ANK3: variants seen among roughly 807,000 people sequenced by gnomAD.
The protein encoded by ANK3 is ankyrin-3.
A neutral mutation model predicts 370.9 loss-of-function variants in ANK3; 57 were observed. The ratio of observed to expected loss-of-function variants is 0.15; its 90% CI spans 0.12 to 0.19. ANK3 has a LOEUF of 0.19. Ranked by LOEUF, ANK3 falls within the 10% of genes least tolerant of loss-of-function variation. ANK3 has a pLI of 1.00. For missense variants in ANK3, 4,439 were observed against 5,302.1 expected (o/e 0.84, Z 5.06); for synonymous variants, 1,929 against 1,946.3 (o/e 0.99, Z 0.23).
At chr10:60,239,672 A>T (rs1305001829) in intron 7 of ANK3, among the ~76,000 whole-genome samples, 2 of 152,196 alleles carry the variant, frequency 1.3e-5, no homozygotes, top group Non-Finnish European at 2.9e-5. Flanking sequence ...GCCTGCACCA[A>T]GAAATGAAGG....
chr10:60,691,556 T>C (rs12262913), intron 1 of ANK3, among the ~76,000 whole-genome samples: 50,512 of 152,088 alleles, frequency 0.33, 8,583 homozygotes, highest in African/African-American at 0.37. Context: ...ATGTCAAAGG[T>C]AATTTCTTAA....
chr10:60,226,612 G>A (rs1399564377), intron 8 of ANK3, among the ~76,000 whole-genome samples: 2 of 98,800 alleles, frequency 2.0e-5, no homozygotes, highest in East Asian at 2.7e-4. Flanking sequence ...ATAATCAAAA[G>A]CAAAAGTCAC....
At chr10:60,635,082 T>C (rs2078535804) in intron 1 of ANK3, among the ~76,000 whole-genome samples, 2 of 152,178 alleles carry the variant, frequency 1.3e-5, no homozygotes, top group Admixed American at 1.3e-4. Flanking sequence ...TAAACAAAGG[T>C]TTATGATACT....
At chr10:60,044,284 CCTT>C (rs1292821209) in intron 42 of ANK3, 8 of 984,632 alleles carry the variant, frequency 8.1e-6, no homozygotes, top group Non-Finnish European at 9.6e-6. Context: ...GATGAGGTTG[CCTT>C]CTTCATCAGT....
chr10:60,106,290 G>A (rs542114429), intron 27 of ANK3, among the ~76,000 whole-genome samples: 1 of 152,140 alleles, frequency 6.6e-6, no homozygotes, highest in East Asian at 1.9e-4. Context: ...CATATGTTAG[G>A]CATAGGATTT....
chr10:60,478,136 T>A (rs949856056), intron 2 of ANK3, among the ~76,000 whole-genome samples: 1 of 152,054 alleles, frequency 6.6e-6, no homozygotes, highest in African/African-American at 2.4e-5. Context: ...TGATATAACA[T>A]TTATAATAAG....
At chr10:60,291,334 T>C (rs1337133186) in intron 1 of ANK3, among the ~76,000 whole-genome samples, 1 of 152,166 alleles carries the variant, frequency 6.6e-6, no homozygotes, top group African/African-American at 2.4e-5. Context: ...GAGGTCAATA[T>C]AGTAACATTT....
At position 60,075,038 on chromosome 10, in the gene ANK3, A is replaced by G; in HGVS notation, c.5843T>C (p.Val1948Ala). 5 of 1,613,828 alleles carry G rather than the reference A, an allele frequency of 3.1e-6. No individual in the cohort carries two copies. The highest frequency in any genetic ancestry group is 4.2e-6 in the Non-Finnish European group (5 of 1,179,930). ...CACTAAGTCTTCCTTTACTTTCTCT[A>G]CAATTTTGAAAGGTTCTTCATCATC... Reference protein sequence around the residue: ...RIDDEEPFKIVEKVKEDLVKV... With the variant: ...RIDDEEPFKIAEKVKEDLVKV... The change falls in exon 37 of 44, where the codon GTA becomes GCA. Residue 1948 changes from valine to alanine, a missense_variant. By Grantham distance (64) the Val-to-Ala change is moderately conservative. This residue lies in a region of ANK3 where 679 missense variants were observed against 791.0 expected (regional missense o/e 0.86). Coordinates refer to ENST00000280772, the MANE Select transcript of ANK3 (RefSeq NM_020987.5).
At chr10:60,455,283 CTTTT>C (rs1038250653) in intron 2 of ANK3, among the ~76,000 whole-genome samples, 13 of 152,194 alleles carry the variant, frequency 8.5e-5, no homozygotes, top group African/African-American at 2.9e-4. Context: ...TGCATGTTTT[CTTTT>C]TGTTTGCAGA....
chr10:60,238,908 A>G (rs1045941334), intron 7 of ANK3, among the ~76,000 whole-genome samples: 2 of 152,026 alleles, frequency 1.3e-5, no homozygotes, highest in Non-Finnish European at 2.9e-5. Flanking sequence ...AGTAGGAACA[A>G]CATGCATGAA....
At chr10:60,509,946 TC>T (rs900726254) in intron 2 of ANK3, among the ~76,000 whole-genome samples, 9 of 152,036 alleles carry the variant, frequency 5.9e-5, no homozygotes, top group African/African-American at 1.9e-4. Flanking sequence ...TTTCAAAGCA[TC>T]CCCACATGGA....
At chr10:60,477,500 G>A in intron 2 of ANK3, among the ~76,000 whole-genome samples, 1 of 121,696 alleles carries the variant, frequency 8.2e-6, no homozygotes, top group Non-Finnish European at 1.8e-5. Flanking sequence ...CATACCTACT[G>A]ACAGACAGAC....
intron 1 of ANK3, among the ~76,000 whole-genome samples, chr10:60,670,659 C>T (rs2079054322): frequency 6.6e-6 from 1 of 152,144 alleles, no homozygotes; most frequent in African/African-American, 2.4e-5. Flanking sequence ...CCGTTTGTGA[C>T]ACAGGCTGCT....
chr10:60,467,788 T>A (rs1034770499), intron 2 of ANK3, among the ~76,000 whole-genome samples: 6 of 152,108 alleles, frequency 3.9e-5, no homozygotes, highest in African/African-American at 1.4e-4. Flanking sequence ...GAAAACAGTT[T>A]AAGCAAACAA....
At chr10:60,253,753 G>A (rs147737050) in intron 7 of ANK3, among the ~76,000 whole-genome samples, 1 of 152,174 alleles carries the variant, frequency 6.6e-6, no homozygotes, top group Non-Finnish European at 1.5e-5. Flanking sequence ...TCATGGGGAG[G>A]TTTACATAAC....
chr10:60,507,023 C>T (rs1333653338), intron 2 of ANK3, among the ~76,000 whole-genome samples: 1 of 152,126 alleles, frequency 6.6e-6, no homozygotes, highest in South Asian at 2.1e-4. Context: ...ATCCATCCAG[C>T]ATTTAGAAAT....
rs540595925 is a variant in ANK3 at position 60,662,788 on chromosome 10, G to A, written c.58-47564C>T. 9.9e-5 allele frequency among the ~76,000 whole-genome samples: 15 copies of A among 152,214 alleles called. No individual in the cohort carries two copies. In the South Asian group the frequency reaches 2.3e-3, roughly 23 times the overall value. ...TATCTAGAGCCAGGTCTAGCATGTC[G>A]TTGGTGCTCAAAAGATATCTGTTGA... is the stretch of plus-strand genomic sequence containing the variant. On this transcript the variant is annotated intron_variant, in intron 1 of 43. Transcript: ENST00000373827.
Position 60,108,665 on chromosome 10 carries a change from C to T in ANK3, c.3173+165G>A, listed in dbSNP as rs564611836. On this transcript the variant is annotated intron_variant, in intron 27 of 43. Coordinates refer to ENST00000280772, the MANE Select transcript of ANK3 (RefSeq NM_020987.5). ...GTTAAGAAAGTATCAGCCTATTAGCCTTTCACAGAATCACACAGCTTTGTG... is the reference window on the plus strand; with the variant it reads ...GTTAAGAAAGTATCAGCCTATTAGCTTTTCACAGAATCACACAGCTTTGTG... Among the ~76,000 whole-genome samples, 20 of 152,260 alleles carry T rather than the reference C, an allele frequency of 1.3e-4. No homozygotes were observed. In the East Asian group the frequency reaches 3.3e-3, roughly 25 times the overall value.
At chr10:60,644,891 A>T (rs1317850428) in intron 1 of ANK3, among the ~76,000 whole-genome samples, 1 of 15,378 alleles carries the variant, frequency 6.5e-5, no homozygotes, top group Non-Finnish European at 1.7e-4. Context: ...GTTTTAGTTT[A>T]AAAAAAAAAA....
Sources: allele counts gnomAD v4.1 joint callset (sites outside exome capture counted in the v4.1 genomes callset), GRCh38; gene constraint gnomAD v4.1.1; regional missense constraint gnomAD v4.1.1; transcripts MANE v1.5; gene names NCBI Gene and HGNC (gene_info 2026-07-23, HGNC 2026-07-21).